Variants in APBB2 observed in about 807,000 individuals in gnomAD.
APBB2 encodes Fe65-like 1.
Under a neutral mutation model 82.5 loss-of-function variants are expected in APBB2, and 38 were observed. That is an observed-to-expected ratio of 0.46 (90% CI 0.36 to 0.60). The LOEUF (loss-of-function observed/expected upper bound fraction) is 0.60, where lower values mean the gene tolerates loss of function less well. APBB2 is among the 20% of genes least tolerant of loss of function. APBB2 has a pLI of 0.00. For synonymous variants in APBB2, 341 were observed against 368.2 expected, an observed-to-expected ratio of 0.93 and a Z score of 0.85; for missense variants, 772 against 972.3, an observed-to-expected ratio of 0.79 and a Z score of 2.74.
Position 41,192,746 on chromosome 4 carries a change from G to A in APBB2, c.-417+21659C>T, listed in dbSNP as rs564788881. 3.3e-4 allele frequency among the ~76,000 whole-genome samples: 50 copies of A among 152,206 alleles called. No individual in the cohort carries two copies. In the East Asian group the frequency reaches 9.3e-3, roughly 28 times the overall value. ...ACTATATTTGGGATTCCTGATAAAT[G>A]AACAGATTTTAGCTGCTCTTGGCAC... On this transcript the variant is annotated intron_variant, in intron 1 of 17. Transcript: ENST00000508593.
Position 40,841,235 on chromosome 4 carries a change from C to G in APBB2, c.1530-10658G>C, listed in dbSNP as rs2437337. ...AGCTGAGGACTCATCACTTCCAGCT[C>G]CCAACCAGGCAGGGAGGTTACATGA... On this transcript the variant is annotated intron_variant, in intron 12 of 17. Transcript: ENST00000508593. Among the ~76,000 whole-genome samples, 613 of 152,268 alleles carry G rather than the reference C, an allele frequency of 4.0e-3. 4 individuals are homozygous for G. Among genetic ancestry groups the G allele is most frequent in the African/African-American group, 0.014 (583 of 41,536 alleles).
rs953905646 is a variant in APBB2, at chr4:40,821,984, C to T, written c.1999G>A (p.Val667Ile). The change falls in exon 17 of 18, where the codon GTC becomes ATC. Residue 667 changes from valine to isoleucine, a missense_variant. Coordinates refer to ENST00000508593, the MANE Select transcript of APBB2 (RefSeq NM_004307.2). ...FLSFMGVGKD[V>I]HTFAFIMDTG... ...TCCATGATGAAGGCAAATGTGTGGACGTCCTTCCCAACACCCATGAAGGAC... is the reference window on the plus strand; with the variant it reads ...TCCATGATGAAGGCAAATGTGTGGATGTCCTTCCCAACACCCATGAAGGAC... The T allele has an allele frequency of 2.3e-5, 37 of 1,614,018 alleles. No individual in the cohort carries two copies. The highest frequency in any genetic ancestry group is 3.3e-4 in the Middle Eastern group (2 of 6,084).
At chr4:40,937,187 AGAT>A (rs1179850929) in intron 7 of APBB2, among the ~76,000 whole-genome samples, 1 of 152,236 alleles carries the variant, frequency 6.6e-6, no homozygotes, top group Non-Finnish European at 1.5e-5. Context: ...GGAAGACCCA[AGAT>A]AATTGTGTCT....
chr4:40,865,970 G>A (rs1763948843), intron 12 of APBB2, among the ~76,000 whole-genome samples: 1 of 152,218 alleles, frequency 6.6e-6, no homozygotes, highest in African/African-American at 2.4e-5. Context: ...CTGCTGGTGA[G>A]GATGCGGAGC....
At chr4:41,122,232 A>AATAT (rs1753046468) in intron 2 of APBB2, among the ~76,000 whole-genome samples, 1 of 152,168 alleles carries the variant, frequency 6.6e-6, no homozygotes, top group Admixed American at 6.5e-5. Context: ...GCTTGTTTTT[A>AATAT]ATATATGTTA....
intron 1 of APBB2, among the ~76,000 whole-genome samples, chr4:41,182,778 G>A (rs1430611155): frequency 6.6e-6 from 1 of 152,160 alleles, no homozygotes; most frequent in Non-Finnish European, 1.5e-5. Flanking sequence ...CAAGGGGGAA[G>A]AGCCCCTTAT....
chr4:40,907,671 C>CTT (rs34413606), intron 10 of APBB2, among the ~76,000 whole-genome samples: 13 of 94,860 alleles, frequency 1.4e-4, no homozygotes, highest in Non-Finnish European at 2.2e-4. Flanking sequence ...GTGCCTGACC[C>CTT]TTTTTTTTTT....
intron 6 of APBB2, among the ~76,000 whole-genome samples, chr4:40,986,735 A>T (rs147949718): frequency 6.6e-6 from 1 of 152,300 alleles, no homozygotes; most frequent in East Asian, 1.9e-4. Flanking sequence ...AGTGCCACCT[A>T]AATAGCAAAG....
chr4:41,014,464 A>G (rs529436400), intron 5 of APBB2, 66 bp from the exon 6 acceptor site: 4 of 1,399,866 alleles, frequency 2.9e-6, no homozygotes, highest in East Asian at 4.9e-5. Flanking sequence ...GTGTGAGTAA[A>G]TATTTTTATA....
At chr4:41,015,110 C>T (rs1809522448) in intron 5 of APBB2, among the ~76,000 whole-genome samples, 1 of 152,160 alleles carries the variant, frequency 6.6e-6, no homozygotes, top group Non-Finnish European at 1.5e-5. Context: ...GTTAGAGCTC[C>T]CAGAGGAGTC....
At chr4:41,070,433 G>A (rs986221041) in intron 3 of APBB2, among the ~76,000 whole-genome samples, 2 of 151,724 alleles carry the variant, frequency 1.3e-5, no homozygotes, top group Non-Finnish European at 2.9e-5. Context: ...TCTCAGACAC[G>A]CAAGTAGCTG....
At chr4:40,959,805 A>T (rs1419770906) in intron 6 of APBB2, among the ~76,000 whole-genome samples, 1 of 152,236 alleles carries the variant, frequency 6.6e-6, no homozygotes, top group Non-Finnish European at 1.5e-5. Context: ...TATAGCATGC[A>T]CTTCCAGAGC....
chr4:40,880,225 G>A, intron 12 of APBB2: 2 of 985,330 alleles, frequency 2.0e-6, no homozygotes, highest in South Asian at 9.4e-5. Context: ...TCCTTCTCTT[G>A]ACCTACTCTA....
chr4:41,190,532 G>A (rs955828616), intron 1 of APBB2, among the ~76,000 whole-genome samples: 3 of 152,034 alleles, frequency 2.0e-5, no homozygotes, highest in African/African-American at 2.4e-5. Context: ...TACAGGTTGT[G>A]AGGCACCGCA....
rs564532842 is a variant in APBB2 at position 40,890,675 on chromosome 4, C to T, written c.1402-184G>A. Among the ~76,000 whole-genome samples, 40 of 152,194 alleles carry T rather than the reference C, an allele frequency of 2.6e-4. No homozygotes were observed. The South Asian group carries it at 7.9e-3, about 30-fold the overall frequency. ...TGATATCTTTCAGTTTCCCCTCATA[C>T]ACCCAATTTCTCTCTCCCTCTCCGA... On this transcript the variant is annotated intron_variant, in intron 11 of 17. Coordinates refer to ENST00000508593, the MANE Select transcript of APBB2 (RefSeq NM_004307.2).
intron 15 of APBB2, 59 bp downstream of exon 15, chr4:40,825,828 C>A: frequency 7.1e-7 from 1 of 1,399,506 alleles, no homozygotes; most frequent in Non-Finnish European, 1.0e-6. Context: ...GGAGGGCGAA[C>A]GCCTCCTGTG....
rs1560524288 is a variant in APBB2 at position 41,013,742 on chromosome 4, CTG to C, written c.674_675del (p.Thr225SerfsTer33). ...QSSPEDGQVATVSSSPETKKD... is the reference protein window; with the variant it reads ...QSSPEDGQVAXVSSSPETKKD... ...TTCTTGGTTTCTGGGCTGGATGACACTGTGGCTACTTGGCCGTCTTCAGGGCT... is the reference window on the plus strand; with the variant it reads ...TTCTTGGTTTCTGGGCTGGATGACACTGGCTACTTGGCCGTCTTCAGGGCT... On this transcript the variant is annotated frameshift_variant, in exon 6 of 18. Coordinates refer to ENST00000508593, the MANE Select transcript of APBB2 (RefSeq NM_004307.2). LOFTEE classifies it high-confidence loss of function. 6.2e-7 allele frequency: 1 copy of C among 1,614,204 alleles called. No homozygotes were observed. Among genetic ancestry groups the C allele is most frequent in the Non-Finnish European group, 8.5e-7 (1 of 1,180,044 alleles).
At chr4:40,991,505 T>G (rs1440221846) in intron 6 of APBB2, among the ~76,000 whole-genome samples, 1 of 152,074 alleles carries the variant, frequency 6.6e-6, no homozygotes, top group Non-Finnish European at 1.5e-5. Context: ...ATCCTATTTA[T>G]TTTTTTAAAA....
intron 6 of APBB2, among the ~76,000 whole-genome samples, chr4:40,964,273 G>T (rs1343320531): frequency 2.6e-5 from 4 of 151,876 alleles, no homozygotes; most frequent in South Asian, 2.1e-4. Context: ...GTGGCCACTG[G>T]GTCTGTTTGA....
Sources: allele counts gnomAD v4.1 joint callset (sites outside exome capture counted in the v4.1 genomes callset), GRCh38; gene constraint gnomAD v4.1.1; transcripts MANE v1.5; gene names NCBI Gene and HGNC (gene_info 2026-07-23, HGNC 2026-07-21).